CALD1: variants seen among roughly 807,000 people sequenced by gnomAD.
The protein encoded by CALD1 is caldesmon.
Under a neutral mutation model 99.9 loss-of-function variants are expected in CALD1, and 33 were observed. The observed-to-expected ratio is 0.33, with a 90% confidence interval of 0.25 to 0.44. The LOEUF (loss-of-function observed/expected upper bound fraction) is 0.44, where lower values mean the gene tolerates loss of function less well. Among genes scored for constraint, CALD1 ranks in the 20% least tolerant of loss-of-function variants. The pLI, the probability that CALD1 is intolerant of heterozygous loss-of-function variation, is 1.00. For synonymous variants in CALD1, 310 were observed against 325.0 expected (o/e 0.95, Z 0.50); for missense variants, 861 against 962.1 (o/e 0.89, Z 1.39).
chr7:134,961,470 G>A (rs1361343876), intron 13 of CALD1: 4 of 152,146 alleles, frequency 2.6e-5, no homozygotes, highest in Non-Finnish European at 5.9e-5. Context: ...AGGCCTCTGT[G>A]CATTTAATTG....
intron 3 of CALD1, chr7:134,920,570 G>A (rs944595178): frequency 7.8e-7 from 1 of 1,286,378 alleles, no homozygotes; most frequent in Admixed American, 2.3e-5. Flanking sequence ...ACAGAATAGT[G>A]TTCTGGATTG....
intron 1 of CALD1, among the ~76,000 whole-genome samples, chr7:134,761,877 A>G (rs1320812600): frequency 6.6e-6 from 1 of 152,192 alleles, no homozygotes; most frequent in African/African-American, 2.4e-5. Context: ...TTATTTTTGA[A>G]ATATTTGCAA....
intron 6 of CALD1, among the ~76,000 whole-genome samples, chr7:134,937,318 A>T (rs1194832856): frequency 6.6e-6 from 1 of 152,174 alleles, no homozygotes; most frequent in Non-Finnish European, 1.5e-5. Flanking sequence ...CCTCTGTGTC[A>T]ATCAGATACT....
the CALD1 span, among the ~76,000 whole-genome samples, chr7:134,736,190 C>G: frequency 6.6e-6 from 1 of 152,116 alleles, no homozygotes; most frequent in East Asian, 1.9e-4. Context: ...AAAACTATCA[C>G]CATTGACAAC....
At chr7:134,724,396 G>A in the CALD1 span, among the ~76,000 whole-genome samples, 1 of 152,166 alleles carries the variant, frequency 6.6e-6, no homozygotes, top group South Asian at 2.1e-4. Flanking sequence ...GCATCACTGA[G>A]GGGAGAGCGC....
chr7:134,941,349 A>G, intron 7 of CALD1, 112 bp downstream of exon 7: 1 of 849,564 alleles, frequency 1.2e-6, no homozygotes, highest in Non-Finnish European at 1.8e-6. Flanking sequence ...AGCAGGCAGC[A>G]TGCTTTTGTT....
Position 134,962,738 on chromosome 7 carries a change from A to C in CALD1, c.2295+2110A>C, listed in dbSNP as rs1808372607. 4 of 444,000 alleles carry C rather than the reference A, an allele frequency of 9.0e-6. No individual in the cohort carries two copies. In the Admixed American group the frequency reaches 9.9e-5, roughly 11 times the overall value. 27.5% of individuals were successfully genotyped at this position (444,000 alleles called of 1,614,324 possible). On this transcript the variant is annotated intron_variant, in intron 13 of 14. Coordinates refer to ENST00000361675, the MANE Select transcript of CALD1 (RefSeq NM_033138.4). Reference sequence around the variant, plus strand: ...GCTGGTTTGTCTATTCTTTGTGTCTAAACTAATGTTACACAGAAATTAAAA... The same window carrying C: ...GCTGGTTTGTCTATTCTTTGTGTCTCAACTAATGTTACACAGAAATTAAAA...
At chr7:134,786,228 C>G (rs367861718) in intron 1 of CALD1, among the ~76,000 whole-genome samples, 44 of 152,280 alleles carry the variant, frequency 2.9e-4, no homozygotes, top group African/African-American at 1.0e-3. Flanking sequence ...TGGCAAGCTA[C>G]TCTGAGTAAA....
intron 1 of CALD1, among the ~76,000 whole-genome samples, chr7:134,752,346 T>C (rs1212018438): frequency 6.6e-6 from 1 of 152,242 alleles, no homozygotes; most frequent in Non-Finnish European, 1.5e-5. Context: ...ATTTTTCATT[T>C]TGTGTTTGCA....
intron 1 of CALD1, among the ~76,000 whole-genome samples, chr7:134,793,432 T>C (rs1190011469): frequency 6.6e-6 from 1 of 152,228 alleles, no homozygotes; most frequent in Non-Finnish European, 1.5e-5. Flanking sequence ...TATCTGTCTT[T>C]GCTCTAGTTG....
chr7:134,756,674 G>A (rs1483196483), intron 1 of CALD1, among the ~76,000 whole-genome samples: 2 of 152,026 alleles, frequency 1.3e-5, no homozygotes, highest in African/African-American at 2.4e-5. Flanking sequence ...ATCAGATCTT[G>A]GTGTCCAGTG....
chr7:134,907,127 G>C (rs1053156116), intron 3 of CALD1, among the ~76,000 whole-genome samples: 1 of 152,094 alleles, frequency 6.6e-6, no homozygotes, highest in Non-Finnish European at 1.5e-5. Context: ...TGCTTGGATG[G>C]ACCTGAGTTC....
At chr7:134,751,770 G>C (rs1270849694) in intron 1 of CALD1, among the ~76,000 whole-genome samples, 1 of 152,106 alleles carries the variant, frequency 6.6e-6, no homozygotes, top group Admixed American at 6.6e-5. Context: ...GAGCTCAGGA[G>C]TTTGAGACAA....
At chr7:134,921,896 A>C (rs937579478) in intron 3 of CALD1, among the ~76,000 whole-genome samples, 1 of 152,260 alleles carries the variant, frequency 6.6e-6, no homozygotes, top group Non-Finnish European at 1.5e-5. Flanking sequence ...CCCTAAAGAA[A>C]TACTTGCATC....
intron 1 of CALD1, among the ~76,000 whole-genome samples, chr7:134,817,319 C>A (rs1048350179): frequency 2.0e-5 from 3 of 151,880 alleles, no homozygotes; most frequent in Non-Finnish European, 4.4e-5. Flanking sequence ...TAATTTTTTT[C>A]ATTTTTAAAC....
chr7:134,728,801 AAT>A, the CALD1 span, among the ~76,000 whole-genome samples: 19 of 152,012 alleles, frequency 1.2e-4, 1 homozygote, highest in Non-Finnish European at 1.5e-5. Flanking sequence ...CTCTGATTAA[AAT>A]ACAAAAATCA....
chr7:134,865,873 C>G (rs1800781294), intron 2 of CALD1, among the ~76,000 whole-genome samples: 2 of 152,164 alleles, frequency 1.3e-5, no homozygotes, highest in Admixed American at 1.3e-4. Flanking sequence ...GGAGCAAAAA[C>G]CAGACAGAGG....
chr7:134,848,461 A>C (rs938348368), intron 2 of CALD1, among the ~76,000 whole-genome samples: 4 of 152,214 alleles, frequency 2.6e-5, no homozygotes, highest in African/African-American at 9.6e-5. Context: ...TTTGGCTGAA[A>C]ACACTTTGCT....
At chr7:134,858,835 T>G (rs1409361437) in intron 2 of CALD1, among the ~76,000 whole-genome samples, 1 of 152,168 alleles carries the variant, frequency 6.6e-6, no homozygotes, top group Non-Finnish European at 1.5e-5. Context: ...CCCAAAGTGC[T>G]GGGATCACAG....
Sources: allele counts gnomAD v4.1 joint callset (sites outside exome capture counted in the v4.1 genomes callset), GRCh38; gene constraint gnomAD v4.1.1; transcripts MANE v1.5; gene names NCBI Gene and HGNC (gene_info 2026-07-23, HGNC 2026-07-21).